WWOX: variants seen among roughly 807,000 people sequenced by gnomAD.
The protein encoded by WWOX is WW domain containing oxidoreductase, also known as WW domain-containing oxidoreductase.
A neutral mutation model predicts 46.2 loss-of-function variants in WWOX; 69 were observed. The observed-to-expected ratio is 1.49, with a 90% CI of 1.23 to 1.82. The LOEUF (loss-of-function observed/expected upper bound fraction) is 1.82, where lower values mean the gene tolerates loss of function less well. Ranked by LOEUF, WWOX falls within the 40% of genes most tolerant of loss-of-function variation. The pLI is 0.00. For missense variants in WWOX, 919 were observed against 542.6 expected (o/e 1.69, Z -6.89); for synonymous variants, 359 against 202.6 (o/e 1.77, Z -6.56).
intron 5 of WWOX, among the ~76,000 whole-genome samples, chr16:78,294,512 T>C (rs1223341029): frequency 2.6e-5 from 4 of 152,162 alleles, no homozygotes; most frequent in African/African-American, 7.2e-5. Context: ...ATTTCCCTAG[T>C]CATCTCTTAT....
chr16:78,703,970 T>C lies in WWOX; in HGVS notation c.1056+271218T>C, dbSNP rs538387616. 2.0e-5 allele frequency among the ~76,000 whole-genome samples: 3 copies of C among 152,294 alleles called. No individual in the cohort carries two copies. In the South Asian group the frequency reaches 6.2e-4, roughly 32 times the overall value. On this transcript the variant is annotated intron_variant, in intron 8 of 8. Transcript: ENST00000566780. ...ACCATAATATTTATCATTTTAACCA[T>C]TTCTCAGTGCACAATTCAGTGGCAT...
intron 8 of WWOX, among the ~76,000 whole-genome samples, chr16:79,130,006 T>C (rs1308190593): frequency 6.6e-6 from 1 of 152,236 alleles, no homozygotes; most frequent in Non-Finnish European, 1.5e-5. Context: ...ACAGCTAATA[T>C]TTACAGAGAG....
chr16:78,911,865 CAAAAAG>C (rs1892480604), intron 8 of WWOX, among the ~76,000 whole-genome samples: 1 of 151,974 alleles, frequency 6.6e-6, no homozygotes. Context: ...GACTCCATCT[CAAAAAG>C]AAAAACTCAA....
At chr16:78,302,422 G>A (rs2080057488) in intron 5 of WWOX, among the ~76,000 whole-genome samples, 1 of 152,164 alleles carries the variant, frequency 6.6e-6, no homozygotes, top group South Asian at 2.1e-4. Flanking sequence ...CCAGAGACAA[G>A]CCACAGCTAT....
chr16:78,693,897 A>G (rs1301417741), intron 8 of WWOX, among the ~76,000 whole-genome samples: 1 of 152,112 alleles, frequency 6.6e-6, no homozygotes, highest in African/African-American at 2.4e-5. Context: ...CTCAGAGTTA[A>G]GCAGACTCGG....
chr16:78,103,032 C>T (rs960329392), intron 1 of WWOX, among the ~76,000 whole-genome samples: 5 of 152,158 alleles, frequency 3.3e-5, no homozygotes, highest in African/African-American at 1.2e-4. Context: ...TGCAGGCTTG[C>T]CCTGGAGCCT....
At chr16:78,134,451 C>T (rs933361415) in intron 4 of WWOX, among the ~76,000 whole-genome samples, 3 of 151,968 alleles carry the variant, frequency 2.0e-5, no homozygotes, top group African/African-American at 7.3e-5. Flanking sequence ...TTGCCTTTAG[C>T]CTTTGTTTTT....
At chr16:79,160,797 A>G (rs2050470900) in intron 8 of WWOX, among the ~76,000 whole-genome samples, 1 of 152,224 alleles carries the variant, frequency 6.6e-6, no homozygotes, top group African/African-American at 2.4e-5. Flanking sequence ...CTGTGTGTAC[A>G]TATATGTATA....
chr16:78,759,846 G>T (rs1006154183), intron 8 of WWOX, among the ~76,000 whole-genome samples: 11 of 152,174 alleles, frequency 7.2e-5, no homozygotes, highest in African/African-American at 1.9e-4. Context: ...GGCCTTAGGG[G>T]AGAGTCCATT....
intron 8 of WWOX, among the ~76,000 whole-genome samples, chr16:78,838,035 T>C (rs779332172): frequency 6.6e-6 from 1 of 152,198 alleles, no homozygotes; most frequent in Non-Finnish European, 1.5e-5. Context: ...TGAGAAAGAC[T>C]GGCACAGTTA....
intron 8 of WWOX, among the ~76,000 whole-genome samples, chr16:79,173,284 T>TCCATGTG (rs11281793): frequency 0.5 from 75,691 of 150,582 alleles, 19,710 homozygotes; most frequent in East Asian, 0.85. Flanking sequence ...ACCCTGCATG[T>TCCATGTG]CCATGTGCCA....
chr16:78,883,552 C>T (rs926412819), intron 8 of WWOX, among the ~76,000 whole-genome samples: 4 of 151,966 alleles, frequency 2.6e-5, no homozygotes, highest in African/African-American at 9.7e-5. Flanking sequence ...GGCAAAACCC[C>T]ATCTCTACTA....
intron 8 of WWOX, among the ~76,000 whole-genome samples, chr16:79,030,624 T>A (rs1044468595): frequency 1.3e-5 from 2 of 152,238 alleles, no homozygotes; most frequent in African/African-American, 4.8e-5. Flanking sequence ...TAGACACCCT[T>A]GTTTTCGTTC....
intron 8 of WWOX, among the ~76,000 whole-genome samples, chr16:79,146,762 A>G (rs753745257): frequency 6.6e-6 from 1 of 152,142 alleles, no homozygotes; most frequent in Non-Finnish European, 1.5e-5. Flanking sequence ...AGGAGCTTAC[A>G]TTCTAGGAAG....
At chr16:78,189,581 C>A (rs1173145561) in intron 5 of WWOX, among the ~76,000 whole-genome samples, 1 of 152,148 alleles carries the variant, frequency 6.6e-6, no homozygotes, top group African/African-American at 2.4e-5. Flanking sequence ...GAGAAGAGAT[C>A]AAGTAGTTAA....
chr16:78,189,567 G>C (rs1331808099), intron 5 of WWOX, among the ~76,000 whole-genome samples: 3 of 152,196 alleles, frequency 2.0e-5, no homozygotes, highest in Non-Finnish European at 4.4e-5. Flanking sequence ...CTATTTTTGA[G>C]AAAGAGAAGA....
At chr16:78,518,618 A>G (rs1403291242) in intron 8 of WWOX, among the ~76,000 whole-genome samples, 3 of 152,172 alleles carry the variant, frequency 2.0e-5, no homozygotes, top group African/African-American at 4.8e-5. Context: ...CCTTAGCAAC[A>G]TGTATTTACT....
In WWOX at chr16:78,841,691, C is replaced by T. The variant is rs528012261; in HGVS notation, c.1057-369917C>T. 9.3e-4 allele frequency among the ~76,000 whole-genome samples: 141 copies of T among 152,106 alleles called. 1 individual carries two copies. The highest frequency in any genetic ancestry group is 4.4e-3 in the South Asian group (21 of 4,810). On this transcript the variant is annotated intron_variant, in intron 8 of 8. Transcript: ENST00000566780. ...CCTATAAGTAGGTGCAAACATTAGACGATTTCATTTTGGGCTTCTGATACA... is the reference window on the plus strand; with the variant it reads ...CCTATAAGTAGGTGCAAACATTAGATGATTTCATTTTGGGCTTCTGATACA...
intron 6 of WWOX, among the ~76,000 whole-genome samples, chr16:78,417,315 A>T (rs2082820821): frequency 6.6e-6 from 1 of 151,024 alleles, no homozygotes; most frequent in South Asian, 2.1e-4. Flanking sequence ...TTGGTCTTGA[A>T]CCCCTGAGTC....
Sources: gnomAD v4.1 joint callset for allele counts (sites outside exome capture counted in the v4.1 genomes callset) on GRCh38, gnomAD v4.1.1 for gene constraint, MANE v1.5 for transcripts, NCBI Gene and HGNC (gene_info 2026-07-23, HGNC 2026-07-21) for gene names.